Variants in SLC28A2 observed in about 807,000 individuals in gnomAD.
SLC28A2 encodes sodium/nucleoside cotransporter 2.
In SLC28A2, 69 loss-of-function variants were observed where a neutral mutation model predicts 72.9. That is an observed-to-expected ratio of 0.95 (90% CI 0.78 to 1.16). The LOEUF (loss-of-function observed/expected upper bound fraction) is 1.16. Ranked by LOEUF, SLC28A2 falls within the 50% of genes most tolerant of loss-of-function variation. The probability of loss-of-function intolerance (pLI) is 0.00; values close to 1 mark genes in which losing one functional copy is unlikely to be tolerated. For synonymous variants in SLC28A2, 296 were observed against 294.1 expected, an observed-to-expected ratio of 1.01 and a Z score of -0.07; for missense variants, 745 against 791.1, an observed-to-expected ratio of 0.94 and a Z score of 0.70.
chr15:45,265,484 G>C (rs776076787), intron 8 of SLC28A2, 99 bp from the exon 9 acceptor site: 5 of 849,848 alleles, frequency 5.9e-6, no homozygotes, highest in Non-Finnish European at 1.0e-5. Context: ...TACCTACACT[G>C]TATGAGATAC....
chr15:45,269,524 C>G lies in SLC28A2; in HGVS notation c.1555C>G (p.Gln519Glu), dbSNP rs547420621. The G allele has an allele frequency of 1.2e-6, 2 of 1,613,464 alleles. No individual in the cohort carries two copies. Among genetic ancestry groups the G allele is most frequent in the Non-Finnish European group, 1.7e-6 (2 of 1,179,430 alleles). ...GMEEWIEGEK[Q>E]WISVRAEIIT... ...GGAGGAGTGGATTGAGGGAGAGAAA[C>G]AGTGGATTTCTGTAAGTGACAATCC... The change falls in exon 14 of 18, where the codon CAG becomes GAG. Residue 519 changes from glutamine to glutamate, a missense_variant. By Grantham distance (29) the Gln-to-Glu change is conservative. Coordinates refer to ENST00000347644, the MANE Select transcript of SLC28A2 (RefSeq NM_004212.4).
intron 3 of SLC28A2, 22 bp downstream of exon 3, chr15:45,253,542 G>A: frequency 6.4e-7 from 1 of 1,560,258 alleles, no homozygotes. Flanking sequence ...TTGGAATCTT[G>A]TTCAGTTAGG....
intron 13 of SLC28A2, among the ~76,000 whole-genome samples, chr15:45,268,748 C>T (rs986375875): frequency 2.0e-5 from 3 of 152,046 alleles, no homozygotes; most frequent in Admixed American, 6.5e-5. Flanking sequence ...TTCACATTAG[C>T]AAAGACTTGG....
chr15:45,265,052 A>G, intron 7 of SLC28A2, 37 bp from the exon 8 acceptor site: 1 of 1,498,300 alleles, frequency 6.7e-7, no homozygotes, highest in Non-Finnish European at 9.3e-7. Context: ...TTTGGGTTTC[A>G]TTCTTATTCT....
chr15:45,270,332 T>C (rs1268328531), intron 15 of SLC28A2, 56 bp downstream of exon 15: 6 of 1,162,766 alleles, frequency 5.2e-6, no homozygotes, highest in East Asian at 2.3e-5. Flanking sequence ...CCAGCTTCTG[T>C]AGTGGGCAGT....
At chr15:45,268,707 C>G (rs1232794332) in intron 13 of SLC28A2, among the ~76,000 whole-genome samples, 1 of 152,086 alleles carries the variant, frequency 6.6e-6, no homozygotes, top group African/African-American at 2.4e-5. Flanking sequence ...GCTATAAAGA[C>G]ACATGCACAC....
chr15:45,273,008 G>C (rs1484799317), intron 17 of SLC28A2, among the ~76,000 whole-genome samples: 5 of 152,160 alleles, frequency 3.3e-5, no homozygotes, highest in Non-Finnish European at 7.4e-5. Context: ...AGCAAAGGAA[G>C]AAGAAAAATG....
At chr15:45,258,748 G>A (rs1478005937) in intron 3 of SLC28A2, among the ~76,000 whole-genome samples, 2 of 152,088 alleles carry the variant, frequency 1.3e-5, no homozygotes, top group African/African-American at 4.8e-5. Context: ...TCATTTTACT[G>A]TGGGTCTGAA....
intron 14 of SLC28A2, among the ~76,000 whole-genome samples, chr15:45,269,748 C>T (rs1354723687): frequency 3.3e-5 from 5 of 152,172 alleles, no homozygotes; most frequent in Non-Finnish European, 7.4e-5. Flanking sequence ...CCCCCTGCCA[C>T]CCCCACCACT....
intron 3 of SLC28A2, among the ~76,000 whole-genome samples, chr15:45,257,744 T>C (rs1346040917): frequency 6.6e-6 from 1 of 152,218 alleles, no homozygotes; most frequent in Admixed American, 6.5e-5. Context: ...AGCAAGTTAT[T>C]AAATTGTGAG....
chr15:45,272,642 T>C (rs1235457874), intron 16 of SLC28A2, 31 bp from the exon 17 acceptor site: 5 of 1,232,406 alleles, frequency 4.1e-6, no homozygotes, highest in Non-Finnish European at 6.0e-6. Flanking sequence ...TGTCAGATCT[T>C]CCCCTTAGTA....
intron 2 of SLC28A2, 36 bp downstream of exon 2, chr15:45,253,332 G>A: frequency 2.5e-6 from 4 of 1,576,316 alleles, no homozygotes; most frequent in Non-Finnish European, 3.5e-6. Flanking sequence ...GCAGAGCTGT[G>A]GGCTGCTGCA....
In SLC28A2 at chr15:45,263,125, C is replaced by T. The variant is rs1473681875; in HGVS notation, c.327C>T (p.Val109=). ...TCCAGAGGGCACTGGCCTTGTTTGT[C>T]ATCACCTGCTTGGTGATCTTTGTCC... The part of the protein sequence containing the change: ...LNFQRALALF[V]ITCLVIFVLV... Residue 109 remains valine (V), a synonymous_variant, in exon 5 of 18, where the codon GTC becomes GTT. Coordinates refer to ENST00000347644, the MANE Select transcript of SLC28A2 (RefSeq NM_004212.4). The T allele has an allele frequency of 3.7e-6, 6 of 1,613,842 alleles. No homozygotes were observed. The highest frequency in any genetic ancestry group is 8.5e-7 in the Non-Finnish European group (1 of 1,179,864).
chr15:45,275,961 A>C lies in SLC28A2; in HGVS notation c.*448A>C, dbSNP rs1900745071. On this transcript the variant is annotated 3_prime_UTR_variant, in exon 18 of 18. Transcript: ENST00000347644. Reference sequence around the variant, plus strand: ...AAAAAAAAAAAAAAAAAAAAGATTCATTTTGGTTCGCTGTATCCCAATAAC... The same window carrying C: ...AAAAAAAAAAAAAAAAAAAAGATTCCTTTTGGTTCGCTGTATCCCAATAAC... The C allele has an allele frequency of 2.7e-5, 4 of 149,048 alleles. No individual in the cohort carries two copies. Among genetic ancestry groups the C allele is most frequent in the Admixed American group, 2.7e-4 (4 of 14,970 alleles). 9.2% of individuals were successfully genotyped at this position (149,048 alleles called of 1,614,324 possible).
At chr15:45,273,176 A>T (rs906989154) in intron 17 of SLC28A2, among the ~76,000 whole-genome samples, 2 of 152,052 alleles carry the variant, frequency 1.3e-5, no homozygotes, top group African/African-American at 2.4e-5. Context: ...TATATTAATT[A>T]AAAAAAAGAA....
chr15:45,268,969 G>A (rs1595680292), intron 13 of SLC28A2, among the ~76,000 whole-genome samples: 1 of 142,156 alleles, frequency 7.0e-6, no homozygotes, highest in Non-Finnish European at 1.5e-5. Flanking sequence ...TTGAACAATG[G>A]GAACACATGG....
chr15:45,259,829 A>G (rs1900096092), intron 3 of SLC28A2, among the ~76,000 whole-genome samples: 1 of 152,224 alleles, frequency 6.6e-6, no homozygotes, highest in Non-Finnish European at 1.5e-5. Context: ...GCTATATGGT[A>G]AGTGAGTTGT....
In SLC28A2 at chr15:45,277,766, T is replaced by C. The variant is rs1900790544; in HGVS notation, c.*2253T>C. The C allele has an allele frequency of 8.2e-6, 1 of 121,572 alleles. No homozygotes were observed. The highest frequency in any genetic ancestry group is 8.1e-5 in the Admixed American group (1 of 12,390). 7.5% of individuals were successfully genotyped at this position (121,572 alleles called of 1,614,324 possible). Reference sequence around the variant, plus strand: ...TGGTGGTTGTGCAACATTGTGAATATTATGTCACTGAATTGTTCACTTTAA... The same window carrying C: ...TGGTGGTTGTGCAACATTGTGAATACTATGTCACTGAATTGTTCACTTTAA... On this transcript the variant is annotated 3_prime_UTR_variant, in exon 18 of 18. Transcript: ENST00000347644.
At position 45,263,044 on chromosome 15, in the gene SLC28A2, G is replaced by C. The variant is rs1421486341; in HGVS notation, c.263-17G>C. On this transcript the variant is annotated splice_polypyrimidine_tract_variant and intron_variant, in intron 4 of 17. Transcript: ENST00000347644. ...GCACTGCCTTGCTGATCTTTACTCT[G>C]CTTCTTCTCTTTTTAGCCTATGCTG... 1 of 1,605,258 alleles carries C rather than the reference G, an allele frequency of 6.2e-7. No individual in the cohort carries two copies. The highest frequency in any genetic ancestry group is 1.7e-5 in the Admixed American group (1 of 58,664).
Sources: allele counts gnomAD v4.1 joint callset (sites outside exome capture counted in the v4.1 genomes callset), GRCh38; gene constraint gnomAD v4.1.1; transcripts MANE v1.5; gene names NCBI Gene and HGNC (gene_info 2026-07-23, HGNC 2026-07-21).